The following DLEU7 variants were observed in gnomAD, a reference collection of about 807,000 sequenced individuals.
DLEU7 encodes the protein leukemia-associated protein 7.
DLEU7 carries 17 observed loss-of-function variants against 16.0 expected under a neutral mutation model. That is an observed-to-expected ratio of 1.06 (90% CI 0.73 to 1.59). The LOEUF (loss-of-function observed/expected upper bound fraction) is 1.59, where lower values mean the gene tolerates loss of function less well. DLEU7 is among the 40% of genes most tolerant of loss of function. The probability of loss-of-function intolerance (pLI) is 0.00; values close to 1 mark genes in which losing one functional copy is unlikely to be tolerated. For missense variants in DLEU7, 308 were observed against 314.9 expected (o/e 0.98, Z 0.17); for synonymous variants, 113 against 139.8 (o/e 0.81, Z 1.35).
In DLEU7 at chr13:50,823,310, A is replaced by G. The variant is rs1293272814; in HGVS notation, c.*4T>C. ...TGTGGTTTTACTCCCGATGCCTTTA[A>G]CACTCATATGTCTGGGAGATTCTGT... On this transcript the variant is annotated 3_prime_UTR_variant, in exon 2 of 2. Transcript: ENST00000504404. 1 of 1,535,188 alleles carries G rather than the reference A, an allele frequency of 6.5e-7. No individual in the cohort carries two copies. The highest frequency in any genetic ancestry group is 8.7e-7 in the Non-Finnish European group (1 of 1,146,224).
chr13:50,761,942 G>A (rs1300457700), intron 1 of DLEU7, among the ~76,000 whole-genome samples: 2 of 151,988 alleles, frequency 1.3e-5, no homozygotes, highest in African/African-American at 4.8e-5. Flanking sequence ...TGTAATCCCA[G>A]CACTTTGGGA....
At chr13:50,764,677 G>A (rs948660027) in intron 1 of DLEU7, among the ~76,000 whole-genome samples, 7 of 152,178 alleles carry the variant, frequency 4.6e-5, no homozygotes, top group African/African-American at 1.7e-4. Context: ...GATTGTCTTG[G>A]AGATGAAGGG....
chr13:50,721,416 C>T (rs1014825620), intron 1 of DLEU7, among the ~76,000 whole-genome samples: 68 of 152,066 alleles, frequency 4.5e-4, no homozygotes, highest in African/African-American at 1.6e-3. Context: ...CTCCCCTTCA[C>T]ATATACATCT....
At chr13:50,727,178 A>C (rs996860784) in intron 1 of DLEU7, among the ~76,000 whole-genome samples, 1 of 151,914 alleles carries the variant, frequency 6.6e-6, no homozygotes. Flanking sequence ...AGTGTTACCC[A>C]AAAAAAGAAT....
chr13:50,724,016 A>G (rs1268486746), intron 1 of DLEU7, among the ~76,000 whole-genome samples: 4 of 152,002 alleles, frequency 2.6e-5, no homozygotes, highest in Admixed American at 6.5e-5. Context: ...TCCAAGTTTT[A>G]TTCACTGAGC....
At chr13:50,774,109 T>C (rs951167086) in intron 1 of DLEU7, among the ~76,000 whole-genome samples, 4 of 152,150 alleles carry the variant, frequency 2.6e-5, no homozygotes, top group Non-Finnish European at 5.9e-5. Context: ...TGCCGTTTGC[T>C]AAGACTGTTG....
intron 1 of DLEU7, among the ~76,000 whole-genome samples, chr13:50,826,086 A>G (rs1877074946): frequency 1.5e-5 from 2 of 134,158 alleles, no homozygotes; most frequent in African/African-American, 5.7e-5. Flanking sequence ...TTCAATTCCC[A>G]CCTGTGAGAA....
At chr13:50,775,944 G>T (rs1043170854) in intron 1 of DLEU7, among the ~76,000 whole-genome samples, 1 of 152,104 alleles carries the variant, frequency 6.6e-6, no homozygotes, top group African/African-American at 2.4e-5. Context: ...TTGTTTTGGT[G>T]ACTATTTAAT....
intron 1 of DLEU7, among the ~76,000 whole-genome samples, chr13:50,791,737 A>G (rs1414652185): frequency 1.3e-5 from 2 of 152,222 alleles, no homozygotes; most frequent in Non-Finnish European, 2.9e-5. Context: ...AAAATGAGAA[A>G]AGAAACCACA....
chr13:50,802,691 A>T (rs945108408), intron 1 of DLEU7, among the ~76,000 whole-genome samples: 2 of 152,194 alleles, frequency 1.3e-5, no homozygotes, highest in Non-Finnish European at 1.5e-5. Context: ...AAGGATATAC[A>T]CTAAAGAGTA....
rs149384527 is a variant in DLEU7 at position 50,790,027 on chromosome 13, G to T, written c.459+53161C>A. ...CGCTCACTGCAACCTCCGCCTCCCA[G>T]GTTCAAGTGATTCTCCTGCCTCAGC... On this transcript the variant is annotated intron_variant, in intron 1 of 1. Transcript: ENST00000400393. 1.6e-3 allele frequency among the ~76,000 whole-genome samples: 243 copies of T among 151,342 alleles called. 1 individual carries two copies. In the South Asian group the frequency reaches 0.032, roughly 20 times the overall value.
chr13:50,736,480 G>T (rs1359613924), intron 1 of DLEU7, among the ~76,000 whole-genome samples: 11 of 152,022 alleles, frequency 7.2e-5, no homozygotes, highest in Admixed American at 7.2e-4. Flanking sequence ...TAACAAATCT[G>T]CACATATACG....
At chr13:50,814,726 AAC>A (rs757403161) in intron 1 of DLEU7, among the ~76,000 whole-genome samples, 19 of 146,590 alleles carry the variant, frequency 1.3e-4, no homozygotes, top group South Asian at 2.2e-4. Context: ...AACTGATGAA[AAC>A]AGTTTTCATC....
chr13:50,741,998 A>T (rs1298142149), intron 1 of DLEU7, among the ~76,000 whole-genome samples: 1 of 152,170 alleles, frequency 6.6e-6, no homozygotes, highest in Non-Finnish European at 1.5e-5. Context: ...ATGATCTCAC[A>T]TATAGATGTT....
At chr13:50,835,336 G>A (rs1273020897) in intron 1 of DLEU7, among the ~76,000 whole-genome samples, 1 of 152,180 alleles carries the variant, frequency 6.6e-6, no homozygotes, top group South Asian at 2.1e-4. Context: ...TAGCTGCTCC[G>A]GTGGGGTGAC....
intron 1 of DLEU7, among the ~76,000 whole-genome samples, chr13:50,744,197 T>A (rs1414518251): frequency 6.6e-6 from 1 of 152,194 alleles, no homozygotes; most frequent in African/African-American, 2.4e-5. Context: ...CTCTGATATA[T>A]GAGCAAAGGT....
At position 50,727,645 on chromosome 13, in the gene DLEU7, T is replaced by C. The variant is rs376130624; in HGVS notation, c.460-14405A>G. On this transcript the variant is annotated intron_variant, in intron 1 of 1. Transcript: ENST00000400393. ...TCCCTGTGATTCCCAAGGAATCACG[T>C]TGGGAATACCTCCAGGGTTGCTGTG... Among the ~76,000 whole-genome samples, 14 of 152,226 alleles carry C rather than the reference T, an allele frequency of 9.2e-5. No individual in the cohort carries two copies. In the East Asian group the frequency reaches 1.7e-3, roughly 19 times the overall value.
chr13:50,718,973 C>T (rs1873516861), intron 1 of DLEU7, among the ~76,000 whole-genome samples: 1 of 152,142 alleles, frequency 6.6e-6, no homozygotes, highest in Non-Finnish European at 1.5e-5. Flanking sequence ...GAGGTCTTCC[C>T]ATTAACAAAT....
At chr13:50,822,851 T>C, downstream of DLEU7, 1 of 987,820 alleles carries the variant, frequency 1.0e-6, no homozygotes, top group Non-Finnish European at 1.2e-6. Flanking sequence ...AAAGGAAGTG[T>C]CCAGTAAGTA....
Sources: gnomAD v4.1 joint callset for allele counts (sites outside exome capture counted in the v4.1 genomes callset) on GRCh38, gnomAD v4.1.1 for gene constraint, MANE v1.5 for transcripts, NCBI Gene and HGNC (gene_info 2026-07-23, HGNC 2026-07-21) for gene names.